Variants in PDHX observed in about 807,000 individuals in gnomAD.
PDHX encodes the protein pyruvate dehydrogenase complex component X.
A neutral mutation model predicts 55.3 loss-of-function variants in PDHX; 33 were observed. The observed-to-expected ratio is 0.60, with a 90% CI of 0.45 to 0.80. PDHX has a LOEUF of 0.80. PDHX is among the 30% of genes least tolerant of loss of function. The pLI, the probability that PDHX is intolerant of heterozygous loss-of-function variation, is 0.00. For missense variants in PDHX, 622 were observed against 619.9 expected (o/e 1.00, Z -0.04); for synonymous variants, 226 against 219.4 (o/e 1.03, Z -0.27).
chr11:34,981,786 G>A (rs1216674967), intron 8 of PDHX, among the ~76,000 whole-genome samples: 14 of 152,200 alleles, frequency 9.2e-5, no homozygotes, highest in Non-Finnish European at 1.5e-4. Context: ...TCTTTTGGCT[G>A]CATAAATGTC....
rs377367930 is a variant in PDHX, at chr11:34,984,601, G to C, written c.1055G>C (p.Gly352Ala). ...CCAGATGTTAATGTAAGCTGGGATG[G>C]AGAGGGCCCAAAGCAACTGCCATTT... Reference protein sequence around the residue: ...QMPDVNVSWDGEGPKQLPFID... With the variant: ...QMPDVNVSWDAEGPKQLPFID... Residue 352 changes from glycine to alanine, a missense_variant, in exon 9 of 11, where the codon GGA becomes GCA. Transcript: ENST00000227868. The C allele has an allele frequency of 4.3e-6, 7 of 1,613,898 alleles. No homozygotes were observed. In the African/African-American group the frequency reaches 9.3e-5, roughly 22 times the overall value.
intron 2 of PDHX, among the ~76,000 whole-genome samples, chr11:34,944,272 A>C (rs1565154943): frequency 6.6e-6 from 1 of 151,756 alleles, no homozygotes; most frequent in Non-Finnish European, 1.5e-5. Flanking sequence ...GGTGCCTGCC[A>C]CCTCTCCTGG....
intron 5 of PDHX, among the ~76,000 whole-genome samples, chr11:34,960,981 A>G (rs764834429): frequency 9.9e-5 from 15 of 152,168 alleles, no homozygotes; most frequent in African/African-American, 1.4e-4. Flanking sequence ...TCACTGATCC[A>G]TCTGTCCATG....
At position 34,995,934 on chromosome 11, in the gene PDHX, C is replaced by T. The variant is rs3210068; in HGVS notation, c.*762C>T. 14 of 152,192 alleles carry T rather than the reference C, an allele frequency of 9.2e-5. No homozygotes were observed. The highest frequency in any genetic ancestry group is 3.1e-4 in the African/African-American group (13 of 41,546). The allele number at this position is 152,192 out of a possible 1,614,324, so 9.4% of individuals were successfully genotyped here. A position where few individuals can be genotyped will look rare whatever the true frequency, so the allele number is the denominator to read the frequency against. On this transcript the variant is annotated 3_prime_UTR_variant, in exon 11 of 11. Coordinates refer to ENST00000227868, the MANE Select transcript of PDHX (RefSeq NM_003477.3). The stretch of plus-strand genomic sequence containing the variant: ...TAAACCGCTTGCCTTCATCTTGAGT[C>T]GGAATATATTTAAATAAATTGTGTT...
chr11:34,991,062 CTGAAAAATAAAAATTAACAGAAA>C, intron 9 of PDHX, among the ~76,000 whole-genome samples: 1 of 152,056 alleles, frequency 6.6e-6, no homozygotes, highest in Non-Finnish European at 1.5e-5. Context: ...CTTTTAAGCA[CTGAAAAATAAAAATTAACAGAAA>C]TGTGGTTAAT....
At chr11:34,945,285 T>C (rs1854595724) in intron 2 of PDHX, among the ~76,000 whole-genome samples, 1 of 152,206 alleles carries the variant, frequency 6.6e-6, no homozygotes, top group African/African-American at 2.4e-5. Context: ...CCCTCAAACA[T>C]TACTTTAAAA....
chr11:34,990,248 C>G (rs982687818), intron 9 of PDHX, among the ~76,000 whole-genome samples: 7 of 152,054 alleles, frequency 4.6e-5, no homozygotes, highest in African/African-American at 7.2e-5. Context: ...GCAAGGCATT[C>G]GATGTATTGT....
At chr11:34,965,766 C>T (rs1460715977) in intron 5 of PDHX, among the ~76,000 whole-genome samples, 1 of 152,028 alleles carries the variant, frequency 6.6e-6, no homozygotes, top group Non-Finnish European at 1.5e-5. Context: ...AAAATAATAC[C>T]AAAATATTAA....
At chr11:34,956,330 G>C (rs1854905393) in intron 3 of PDHX, among the ~76,000 whole-genome samples, 1 of 152,100 alleles carries the variant, frequency 6.6e-6, no homozygotes, top group African/African-American at 2.4e-5. Context: ...GAACATACCA[G>C]TAAGCATTGA....
chr11:34,930,178 A>G (rs866637578), intron 1 of PDHX, among the ~76,000 whole-genome samples: 3 of 152,212 alleles, frequency 2.0e-5, no homozygotes, highest in East Asian at 1.9e-4. Flanking sequence ...CAGGTTGTCT[A>G]TGATCAGGAA....
At chr11:34,929,353 C>T (rs1438708294) in intron 1 of PDHX, among the ~76,000 whole-genome samples, 1 of 152,170 alleles carries the variant, frequency 6.6e-6, no homozygotes, top group Non-Finnish European at 1.5e-5. Flanking sequence ...GCCTCAGCCC[C>T]CCAAATAGCT....
chr11:34,995,186 G>T lies in PDHX; in HGVS notation c.*14G>T, dbSNP rs776489344. ...CGACTTGCCTAGTCCTCAAAGATAA[G>T]AAGTTGGTGTTCAGCTTAGTTGATT... On this transcript the variant is annotated 3_prime_UTR_variant, in exon 11 of 11. Coordinates refer to ENST00000227868, the MANE Select transcript of PDHX (RefSeq NM_003477.3). 2 of 1,613,378 alleles carry T rather than the reference G, an allele frequency of 1.2e-6. No homozygotes were observed. The highest frequency in any genetic ancestry group is 2.2e-5 in the South Asian group (2 of 90,826).
At chr11:34,975,950 T>TA (rs1320303755) in intron 7 of PDHX, among the ~76,000 whole-genome samples, 3 of 152,166 alleles carry the variant, frequency 2.0e-5, no homozygotes, top group African/African-American at 7.2e-5. Flanking sequence ...TTCAAGGAAC[T>TA]AAATGGAAAG....
At chr11:34,922,667 CATTT>C (rs1853914232) in intron 1 of PDHX, among the ~76,000 whole-genome samples, 1 of 152,104 alleles carries the variant, frequency 6.6e-6, no homozygotes, top group Admixed American at 6.6e-5. Context: ...GACAGCCTAT[CATTT>C]TAGAACAATT....
intron 5 of PDHX, among the ~76,000 whole-genome samples, chr11:34,964,731 T>C (rs75483285): frequency 0.019 from 2,642 of 141,660 alleles, 72 homozygotes; most frequent in African/African-American, 0.08. Flanking sequence ...TAAACTGCTT[T>C]TTAAAAAATA....
At chr11:34,941,761 G>T (rs895106585) in intron 2 of PDHX, 1 of 154,380 alleles carries the variant, frequency 6.5e-6, no homozygotes, top group African/African-American at 2.4e-5. Context: ...AATTTAAAAA[G>T]AGAAAGGGAA....
Position 34,966,692 on chromosome 11 carries a change from A to T in PDHX, c.694A>T (p.Arg232Ter), listed in dbSNP as rs1464212526. 3 of 1,614,144 alleles carry T rather than the reference A, an allele frequency of 1.9e-6. No individual in the cohort carries two copies. Among genetic ancestry groups the T allele is most frequent in the Non-Finnish European group, 2.5e-6 (3 of 1,180,014 alleles). Residue 232 changes from arginine to a stop codon, truncating the protein, a stop_gained, in exon 6 of 11, where the codon AGA (arginine) becomes TGA (stop). Transcript: ENST00000227868. LOFTEE classifies it high-confidence loss of function. ...LKQTGKITESRPTPAPTATPT... is the reference protein window; with the variant it reads ...LKQTGKITES ...ACAAACGGGCAAGATTACCGAGTCCAGACCAACTCCAGCCCCCACAGCCAC... is the reference window on the plus strand; with the variant it reads ...ACAAACGGGCAAGATTACCGAGTCCTGACCAACTCCAGCCCCCACAGCCAC...
chr11:34,917,668 T>C (rs1182292072), intron 1 of PDHX, among the ~76,000 whole-genome samples: 2 of 152,114 alleles, frequency 1.3e-5, no homozygotes, highest in African/African-American at 4.8e-5. Context: ...GCCTTCATAT[T>C]CTGAGCTACC....
At chr11:34,993,892 A>G (rs1855807888) in intron 10 of PDHX, among the ~76,000 whole-genome samples, 1 of 152,198 alleles carries the variant, frequency 6.6e-6, no homozygotes, top group African/African-American at 2.4e-5. Context: ...ACCATTGTGT[A>G]TTCAGTTATT....
Sources: allele counts gnomAD v4.1 joint callset (sites outside exome capture counted in the v4.1 genomes callset), GRCh38; gene constraint gnomAD v4.1.1; transcripts MANE v1.5; gene names NCBI Gene and HGNC (gene_info 2026-07-23, HGNC 2026-07-21).